The following AMMECR1 variants were observed in gnomAD, a reference collection of about 807,000 sequenced individuals.
The protein encoded by AMMECR1 is AMMECR nuclear protein 1.
AMMECR1 carries 3 observed loss-of-function variants against 22.5 expected under a neutral mutation model. The ratio of observed to expected loss-of-function variants is 0.13; its 90% CI spans 0.06 to 0.35. The LOEUF is 0.35. AMMECR1 is among the 10% of genes least tolerant of loss of function. The pLI is 1.00. For synonymous variants in AMMECR1, 130 were observed against 116.7 expected (o/e 1.11, Z -0.74); for missense variants, 235 against 278.7 (o/e 0.84, Z 1.12).
At chrX:110,306,031 C>G (rs1267917444) in intron 1 of AMMECR1, among the ~76,000 whole-genome samples, 1 of 109,792 alleles carries the variant, frequency 9.1e-6, no homozygotes, top group Non-Finnish European at 1.9e-5. Context: ...CCTGTAATCC[C>G]AGCACTTTGG....
intron 2 of AMMECR1, among the ~76,000 whole-genome samples, chrX:110,255,379 G>A (rs1439562283): frequency 9.0e-6 from 1 of 111,528 alleles, no homozygotes; most frequent in Non-Finnish European, 1.9e-5. Flanking sequence ...GTGTACAGTT[G>A]TTTACTGTTC....
chrX:110,216,287 G>A (rs1023507132), intron 3 of AMMECR1, among the ~76,000 whole-genome samples: 1 of 111,544 alleles, frequency 9.0e-6, no homozygotes, highest in South Asian at 3.8e-4. Context: ...GGTAGTAGGA[G>A]AAAAATGAAA....
chrX:110,326,423 A>C (rs1217924903), intron 2 of AMMECR1, among the ~76,000 whole-genome samples: 1 of 111,525 alleles, frequency 9.0e-6, no homozygotes, highest in Non-Finnish European at 1.9e-5. Context: ...GAATTTCCCA[A>C]ATTTCCTTCT....
intron 4 of AMMECR1, among the ~76,000 whole-genome samples, chrX:110,201,343 CTG>C (rs1394705720): frequency 2.7e-5 from 3 of 111,973 alleles, no homozygotes; most frequent in Non-Finnish European, 5.6e-5. Context: ...TCAGTCATGA[CTG>C]TAACAAACCA....
chrX:110,277,430 C>A (rs1365455116), intron 1 of AMMECR1, among the ~76,000 whole-genome samples: 1 of 64,451 alleles, frequency 1.6e-5, no homozygotes, highest in Admixed American at 2.0e-4. Flanking sequence ...GGGTGGGGGG[C>A]TGGGGGAGGG....
chrX:110,226,164 C>T (rs907445429), intron 2 of AMMECR1, among the ~76,000 whole-genome samples: 8 of 111,624 alleles, frequency 7.2e-5, no homozygotes, highest in African/African-American at 2.6e-4. Context: ...CTCAGAAAGC[C>T]AATATCTGCT....
chrX:110,412,241 A>T (rs1301176854), intron 2 of AMMECR1, among the ~76,000 whole-genome samples: 1 of 112,622 alleles, frequency 8.9e-6, no homozygotes, highest in Non-Finnish European at 1.9e-5. Flanking sequence ...GGGCAACTGG[A>T]AATGTTATTT....
intron 2 of AMMECR1, among the ~76,000 whole-genome samples, chrX:110,388,499 A>T (rs2068473299): frequency 8.9e-6 from 1 of 111,797 alleles, no homozygotes; most frequent in Non-Finnish European, 1.9e-5. Context: ...TGGCGCTAGG[A>T]TGTACCTTAC....
intron 2 of AMMECR1, among the ~76,000 whole-genome samples, chrX:110,234,375 A>G (rs1268722943): frequency 6.2e-5 from 7 of 112,424 alleles, no homozygotes; most frequent in Non-Finnish European, 1.3e-4. Context: ...GATAGAAAGA[A>G]TCGATATCGT....
At chrX:110,248,415 G>GA (rs1005532104) in intron 2 of AMMECR1, among the ~76,000 whole-genome samples, 14 of 108,584 alleles carry the variant, frequency 1.3e-4, no homozygotes, top group Non-Finnish European at 2.3e-4. Flanking sequence ...GAAAAGAAAA[G>GA]AAAAAAATAC....
chrX:110,249,208 G>T (rs2067674062), intron 2 of AMMECR1, among the ~76,000 whole-genome samples: 1 of 111,239 alleles, frequency 9.0e-6, no homozygotes, highest in Non-Finnish European at 1.9e-5. Context: ...GTTCCCAAAT[G>T]AAGAGAAAGG....
At chrX:110,265,777 G>T (rs921628303) in intron 1 of AMMECR1, among the ~76,000 whole-genome samples, 12 of 111,624 alleles carry the variant, frequency 1.1e-4, no homozygotes, top group African/African-American at 3.9e-4. Flanking sequence ...TAATACACTG[G>T]TGAGTTGGAG....
intron 1 of AMMECR1, among the ~76,000 whole-genome samples, chrX:110,285,012 G>A (rs1000630479): frequency 9.0e-6 from 1 of 111,642 alleles, no homozygotes; most frequent in African/African-American, 3.3e-5. Flanking sequence ...CTAAAGTAGA[G>A]GATAGCAACT....
chrX:110,401,281 A>G (rs2068562769), intron 2 of AMMECR1, among the ~76,000 whole-genome samples: 1 of 110,647 alleles, frequency 9.0e-6, no homozygotes, highest in African/African-American at 3.3e-5. Context: ...TGGTGAAATA[A>G]GCCAAGTTTG....
intron 2 of AMMECR1, among the ~76,000 whole-genome samples, chrX:110,224,104 G>A (rs1352000682): frequency 9.0e-6 from 1 of 111,468 alleles, no homozygotes; most frequent in African/African-American, 3.3e-5. Context: ...TTGATCATCC[G>A]TCTGTCCACA....
rs2068101671 is a variant in AMMECR1 at position 110,327,349 on chromosome X, T to C, written c.-147-9500A>G. Among the ~76,000 whole-genome samples the C allele has an allele frequency of 1.8e-5, 2 of 112,087 alleles. 1 individual carries two copies. Among genetic ancestry groups the C allele is most frequent in the Admixed American group, 1.9e-4 (2 of 10,606 alleles). On this transcript the variant is annotated intron_variant, in intron 2 of 7. Coordinates refer to the AMMECR1 transcript ENST00000372057. ...TAAACAAGAGTAGCAACTGACATAG[T>C]GGGAAAGCCAGCAGAGTGTTGTGTC...
At chrX:110,244,720 G>C (rs1347684839) in intron 2 of AMMECR1, among the ~76,000 whole-genome samples, 1 of 111,974 alleles carries the variant, frequency 8.9e-6, no homozygotes, top group Admixed American at 9.5e-5. Context: ...TTAAGTGCTC[G>C]ATAAATGTGG....
At chrX:110,286,349 T>C (rs1026962268) in intron 1 of AMMECR1, among the ~76,000 whole-genome samples, 9 of 110,797 alleles carry the variant, frequency 8.1e-5, no homozygotes, top group African/African-American at 2.6e-4. Context: ...GAATGATGAA[T>C]GCTCAATGGG....
At chrX:110,232,994 A>AAG (rs1299334622) in intron 2 of AMMECR1, among the ~76,000 whole-genome samples, 7 of 109,099 alleles carry the variant, frequency 6.4e-5, no homozygotes, top group Non-Finnish European at 9.5e-5. Flanking sequence ...GCAGAACTGA[A>AAG]AGAGAGAGAG....
Sources: allele counts gnomAD v4.1 joint callset (sites outside exome capture counted in the v4.1 genomes callset), GRCh38; gene constraint gnomAD v4.1.1; transcripts MANE v1.5; gene names NCBI Gene and HGNC (gene_info 2026-07-23, HGNC 2026-07-21).